ARHGAP10: variants seen among roughly 807,000 people sequenced by gnomAD.
The protein encoded by ARHGAP10 is rho GTPase-activating protein 10.
A neutral mutation model predicts 108.6 loss-of-function variants in ARHGAP10; 87 were observed. That is an observed-to-expected ratio of 0.80 (90% CI 0.67 to 0.96). The LOEUF is 0.96. ARHGAP10 is among the 40% of genes least tolerant of loss of function. The pLI, the probability that ARHGAP10 is intolerant of heterozygous loss-of-function variation, is 0.00. For synonymous variants in ARHGAP10, 347 were observed against 341.1 expected (o/e 1.02, Z -0.19); for missense variants, 939 against 954.5 (o/e 0.98, Z 0.21).
At chr4:147,891,213 A>G (rs1735783432) in intron 10 of ARHGAP10, among the ~76,000 whole-genome samples, 1 of 152,250 alleles carries the variant, frequency 6.6e-6, no homozygotes, top group Admixed American at 6.5e-5. Flanking sequence ...ATAGCCAAAA[A>G]ATAGAAACAA....
intron 1 of ARHGAP10, among the ~76,000 whole-genome samples, chr4:147,794,565 G>T (rs1731240695): frequency 6.6e-6 from 1 of 152,184 alleles, no homozygotes; most frequent in East Asian, 1.9e-4. Context: ...AAGCCCCCAA[G>T]AACCATAATC....
At chr4:147,972,776 C>T (rs1038385564) in intron 18 of ARHGAP10, among the ~76,000 whole-genome samples, 16 of 150,516 alleles carry the variant, frequency 1.1e-4, no homozygotes, top group East Asian at 1.9e-4. Flanking sequence ...TTTTTTGAGA[C>T]GGAGTTTCAT....
At chr4:148,011,403 A>G (rs1741166903) in intron 18 of ARHGAP10, among the ~76,000 whole-genome samples, 1 of 152,176 alleles carries the variant, frequency 6.6e-6, no homozygotes, top group African/African-American at 2.4e-5. Flanking sequence ...TCTGGTGCCT[A>G]GGCTGGGCTG....
chr4:148,023,078 T>G, intron 18 of ARHGAP10, 185 bp from the exon 19 acceptor site: 1 of 520,082 alleles, frequency 1.9e-6, no homozygotes, highest in Non-Finnish European at 3.3e-6. Flanking sequence ...GAGATTTTAT[T>G]TTGGAATCTT....
chr4:147,915,931 C>T (rs996513292), intron 13 of ARHGAP10, among the ~76,000 whole-genome samples: 1 of 152,050 alleles, frequency 6.6e-6, no homozygotes, highest in African/African-American at 2.4e-5. Flanking sequence ...TAGCATGACC[C>T]TGTCTGTATA....
chr4:147,843,414 A>G (rs1201402310), intron 3 of ARHGAP10, among the ~76,000 whole-genome samples: 2 of 152,152 alleles, frequency 1.3e-5, no homozygotes, highest in Non-Finnish European at 2.9e-5. Context: ...TGTCAGTCAT[A>G]AATCAACTCC....
At chr4:148,030,796 T>C (rs1728114615) in intron 19 of ARHGAP10, among the ~76,000 whole-genome samples, 1 of 152,168 alleles carries the variant, frequency 6.6e-6, no homozygotes, top group East Asian at 1.9e-4. Context: ...TGCATGCTCA[T>C]TCTACCTTCC....
At chr4:147,823,025 T>C in intron 3 of ARHGAP10, 68 bp downstream of exon 3, 1 of 1,459,428 alleles carries the variant, frequency 6.9e-7, no homozygotes. Flanking sequence ...ATTTGGAAGC[T>C]TGTTCTGGTA....
chr4:148,046,262 A>G (rs1236616919), intron 19 of ARHGAP10, among the ~76,000 whole-genome samples: 1 of 152,168 alleles, frequency 6.6e-6, no homozygotes, highest in African/African-American at 2.4e-5. Context: ...ACATTGTGCA[A>G]CTCATTTAAA....
intron 18 of ARHGAP10, among the ~76,000 whole-genome samples, chr4:147,999,199 C>G (rs1352821335): frequency 6.6e-6 from 1 of 152,132 alleles, no homozygotes; most frequent in African/African-American, 2.4e-5. Flanking sequence ...AAAGAGAGCT[C>G]ACTAAAATGC....
intron 1 of ARHGAP10, among the ~76,000 whole-genome samples, chr4:147,758,703 G>A (rs1050477537): frequency 1.1e-4 from 17 of 151,758 alleles, no homozygotes; most frequent in African/African-American, 2.9e-4. Flanking sequence ...TTTAGGCTGA[G>A]TGTGGTGGCT....
intron 18 of ARHGAP10, among the ~76,000 whole-genome samples, chr4:148,004,194 A>G (rs1293921440): frequency 6.6e-6 from 1 of 152,216 alleles, no homozygotes; most frequent in African/African-American, 2.4e-5. Context: ...TGTCTCAAAA[A>G]TAAAAAATTG....
intron 18 of ARHGAP10, among the ~76,000 whole-genome samples, chr4:147,996,747 G>A (rs115665622): frequency 6.6e-6 from 1 of 152,180 alleles, no homozygotes; most frequent in Non-Finnish European, 1.5e-5. Flanking sequence ...TGTATTTGAA[G>A]GCAGGGTCTT....
At chr4:148,011,493 A>G (rs1421523464) in intron 18 of ARHGAP10, among the ~76,000 whole-genome samples, 2 of 152,234 alleles carry the variant, frequency 1.3e-5, no homozygotes, top group African/African-American at 4.8e-5. Context: ...GCTTCCTCAC[A>G]GACATGGCTG....
At chr4:147,916,463 A>G (rs916434928) in intron 13 of ARHGAP10, 1 of 152,238 alleles carries the variant, frequency 6.6e-6, no homozygotes, top group East Asian at 1.9e-4. Context: ...GGTTGCACCA[A>G]CCGGAAAAAG....
At chr4:148,063,443 C>T in intron 21 of ARHGAP10, 143 bp downstream of exon 21, 2 of 1,140,528 alleles carry the variant, frequency 1.8e-6, no homozygotes, top group South Asian at 3.1e-5. Context: ...CAGCACTTAC[C>T]ACCTTGTATC....
At chr4:147,809,667 A>G (rs1263182726) in intron 1 of ARHGAP10, among the ~76,000 whole-genome samples, 1 of 152,024 alleles carries the variant, frequency 6.6e-6, no homozygotes, top group Admixed American at 6.6e-5. Flanking sequence ...GCGGTCCCCA[A>G]CCTTTTCGGC....
intron 10 of ARHGAP10, among the ~76,000 whole-genome samples, chr4:147,890,269 C>T (rs573041657): frequency 1.4e-5 from 2 of 146,224 alleles, no homozygotes; most frequent in South Asian, 2.4e-4. Context: ...GAGGGTGGGG[C>T]GGAGCTCAGC....
At chr4:147,995,323 C>T (rs751119665) in intron 18 of ARHGAP10, among the ~76,000 whole-genome samples, 4 of 152,240 alleles carry the variant, frequency 2.6e-5, no homozygotes, top group Admixed American at 2.0e-4. Flanking sequence ...TAAGGGCACA[C>T]AGTACCTCCA....
Sources: gnomAD v4.1 joint callset for allele counts (sites outside exome capture counted in the v4.1 genomes callset) on GRCh38, gnomAD v4.1.1 for gene constraint, MANE v1.5 for transcripts, NCBI Gene and HGNC (gene_info 2026-07-23, HGNC 2026-07-21) for gene names.